CERS3: variants seen among roughly 807,000 people sequenced by gnomAD.
CERS3 encodes the protein ceramide synthase 3, also known as LAG1 homolog, ceramide synthase 3.
CERS3 carries 33 observed loss-of-function variants against 50.3 expected under a neutral mutation model. The observed-to-expected ratio is 0.66, with a 90% confidence interval of 0.50 to 0.88. The LOEUF (loss-of-function observed/expected upper bound fraction) is 0.88. CERS3 is among the 40% of genes least tolerant of loss of function. The pLI, the probability that CERS3 is intolerant of heterozygous loss-of-function variation, is 0.00. For missense variants in CERS3, 470 were observed against 460.3 expected (o/e 1.02, Z -0.19); for synonymous variants, 176 against 155.2 (o/e 1.13, Z -0.99).
intron 9 of CERS3, among the ~76,000 whole-genome samples, chr15:100,470,109 GAC>G (rs2034916098): frequency 6.6e-6 from 1 of 152,236 alleles, no homozygotes; most frequent in African/African-American, 2.4e-5. Context: ...TGTGGTAGAA[GAC>G]AGTTAATTGA....
At chr15:100,521,134 T>C (rs979468114) in intron 2 of CERS3, among the ~76,000 whole-genome samples, 1 of 152,208 alleles carries the variant, frequency 6.6e-6, no homozygotes, top group South Asian at 2.1e-4. Flanking sequence ...ACGGTAAAAG[T>C]GCAACTCCTC....
At chr15:100,529,345 C>A (rs777344521), upstream of CERS3, 2 of 152,216 alleles carry the variant, frequency 1.3e-5, no homozygotes, top group African/African-American at 2.4e-5. Context: ...CACCATGCCA[C>A]AAAACTCATC....
At chr15:100,487,628 C>T (rs1438646726) in intron 4 of CERS3, among the ~76,000 whole-genome samples, 5 of 152,136 alleles carry the variant, frequency 3.3e-5, no homozygotes, top group African/African-American at 9.7e-5. Flanking sequence ...AAGGAGAGGT[C>T]GAATGGCCTA....
intron 2 of CERS3, among the ~76,000 whole-genome samples, chr15:100,505,824 A>G (rs959266868): frequency 1.3e-5 from 2 of 152,240 alleles, no homozygotes; most frequent in African/African-American, 4.8e-5. Context: ...CTTGGACAAC[A>G]TAGTGAGATC....
intron 11 of CERS3, among the ~76,000 whole-genome samples, chr15:100,455,169 A>C (rs1353793564): frequency 6.6e-6 from 1 of 152,164 alleles, no homozygotes; most frequent in Non-Finnish European, 1.5e-5. Context: ...ATCTCTATGG[A>C]AAACGGAATG....
chr15:100,418,357 G>A (rs544789699), intron 11 of CERS3, among the ~76,000 whole-genome samples: 9 of 152,088 alleles, frequency 5.9e-5, no homozygotes, highest in African/African-American at 1.9e-4. Flanking sequence ...TGAATGAAAT[G>A]AAGCGAGAAG....
chr15:100,517,102 C>T (rs905545), intron 2 of CERS3, among the ~76,000 whole-genome samples: 38 of 152,194 alleles, frequency 2.5e-4, no homozygotes, highest in African/African-American at 8.4e-4. Context: ...GTTTGAAGGT[C>T]AGTCCTGTCA....
upstream of CERS3, chr15:100,529,099 C>T (rs2036875795): frequency 6.6e-6 from 1 of 152,312 alleles, no homozygotes; most frequent in East Asian, 1.9e-4. Flanking sequence ...AGCTGGAATT[C>T]AGTGAGACAT....
chr15:100,536,432 A>G (rs550092831), intron 1 of CERS3, among the ~76,000 whole-genome samples: 2 of 152,268 alleles, frequency 1.3e-5, no homozygotes, highest in East Asian at 1.9e-4. Context: ...CGACAGGCAC[A>G]TGCCACCATG....
At chr15:100,520,441 G>T (rs2036608729) in intron 2 of CERS3, among the ~76,000 whole-genome samples, 1 of 152,180 alleles carries the variant, frequency 6.6e-6, no homozygotes. Context: ...AGCCACCAGA[G>T]GGGCTGGTAG....
upstream of CERS3, among the ~76,000 whole-genome samples, chr15:100,532,084 G>A (rs556326727): frequency 2.6e-5 from 4 of 152,156 alleles, no homozygotes; most frequent in South Asian, 4.1e-4. Context: ...ACAGTAAGCC[G>A]GATGCAGGAA....
At chr15:100,501,556 C>T in intron 3 of CERS3, 121 bp downstream of exon 3, 1 of 774,178 alleles carries the variant, frequency 1.3e-6, no homozygotes, top group Non-Finnish European at 2.1e-6. Context: ...GAATCTGTGG[C>T]CCATTAGTGG....
At chr15:100,458,534 C>T (rs530140784) in intron 10 of CERS3, among the ~76,000 whole-genome samples, 10 of 150,996 alleles carry the variant, frequency 6.6e-5, no homozygotes, top group South Asian at 2.1e-4. Flanking sequence ...TGCAGTGAGC[C>T]GACATCACGC....
chr15:100,445,535 A>G (rs1300842944), intron 11 of CERS3, among the ~76,000 whole-genome samples: 1 of 152,116 alleles, frequency 6.6e-6, no homozygotes, highest in Non-Finnish European at 1.5e-5. Context: ...TTTTCAATTC[A>G]TACAAAACTG....
At chr15:100,539,703 T>C (rs1480053280) in intron 1 of CERS3, among the ~76,000 whole-genome samples, 1 of 152,118 alleles carries the variant, frequency 6.6e-6, no homozygotes, top group Admixed American at 6.5e-5. Flanking sequence ...TAATTTAAGA[T>C]GAGATTTGGG....
chr15:100,539,480 A>G (rs1321851331), intron 1 of CERS3, among the ~76,000 whole-genome samples: 5 of 152,238 alleles, frequency 3.3e-5, no homozygotes, highest in Non-Finnish European at 7.3e-5. Context: ...GAAAGTTACA[A>G]TCATGGTGGA....
At chr15:100,467,853 A>ATGT (rs1491218117) in intron 10 of CERS3, among the ~76,000 whole-genome samples, 1 of 40,458 alleles carries the variant, frequency 2.5e-5, no homozygotes, top group Non-Finnish European at 7.2e-5. Flanking sequence ...ATATATATAT[A>ATGT]GATAGATAGA....
At chr15:100,406,486 C>A (rs2587841) in intron 11 of CERS3, among the ~76,000 whole-genome samples, 37,491 of 152,106 alleles carry the variant, frequency 0.25, 5,079 homozygotes, top group East Asian at 0.42. Context: ...CTAGCTGAAT[C>A]ACAGAAATTC....
chr15:100,514,621 A>C (rs1456752637), intron 2 of CERS3, among the ~76,000 whole-genome samples: 1 of 152,230 alleles, frequency 6.6e-6, no homozygotes, highest in Non-Finnish European at 1.5e-5. Flanking sequence ...CCAGATAATA[A>C]TATCCAGCTA....
Sources: allele counts gnomAD v4.1 joint callset (sites outside exome capture counted in the v4.1 genomes callset), GRCh38; gene constraint gnomAD v4.1.1; transcripts MANE v1.5; gene names NCBI Gene and HGNC (gene_info 2026-07-23, HGNC 2026-07-21).